The following PUF60 variants were observed in gnomAD, a reference collection of about 807,000 sequenced individuals.
PUF60 encodes the protein poly(U)-binding-splicing factor PUF60.
Under a neutral mutation model 61.8 loss-of-function variants are expected in PUF60, and 10 were observed. That is an observed-to-expected ratio of 0.16 (90% confidence interval 0.10 to 0.27). The LOEUF (loss-of-function observed/expected upper bound fraction) is 0.27, where lower values mean the gene tolerates loss of function less well. PUF60 is among the 10% of genes least tolerant of loss of function. The pLI, the probability that PUF60 is intolerant of heterozygous loss-of-function variation, is 1.00. For missense variants in PUF60, 371 were observed against 754.0 expected (o/e 0.49, Z 5.95); for synonymous variants, 353 against 300.9 (o/e 1.17, Z -1.79).
intron 2 of PUF60, among the ~76,000 whole-genome samples, chr8:143,824,022 C>T (rs945018252): frequency 2.6e-5 from 4 of 152,264 alleles, no homozygotes; most frequent in African/African-American, 7.2e-5. Context: ...CTCCAGGCCC[C>T]GGCGTCCCCG....
In PUF60 at chr8:143,818,871, A is replaced by G. The variant is rs965039691; in HGVS notation, c.349-337T>C. On this transcript the variant is annotated intron_variant, in intron 5 of 11. Transcript: ENST00000526683. The surrounding 1 kb of genome is among the most constrained non-coding windows in gnomAD (Gnocchi z 7.9). ...CTCCAGTCTGGGGGCTGGGTATCCCAGGCTGGGCTGGGAGATCCTCCCACT... is the reference window on the plus strand; with the variant it reads ...CTCCAGTCTGGGGGCTGGGTATCCCGGGCTGGGCTGGGAGATCCTCCCACT... The G allele has an allele frequency of 1.4e-5, 5 of 349,998 alleles. No homozygotes were observed. Among genetic ancestry groups the G allele is most frequent in the Non-Finnish European group, 2.6e-5 (5 of 191,254 alleles). The allele number at this position is 349,998 out of a possible 1,614,324, so 21.7% of individuals were successfully genotyped here.
chr8:143,828,970 C>G (rs1817979748), intron 1 of PUF60: 24 of 990,188 alleles, frequency 2.4e-5, no homozygotes, highest in Non-Finnish European at 2.9e-5. Context: ...GACGACGACC[C>G]CCGCTTGCCG....
In PUF60 at chr8:143,818,806, T is replaced by G; in HGVS notation, c.349-272A>C. On this transcript the variant is annotated intron_variant, in intron 5 of 11. Coordinates refer to ENST00000526683, the MANE Select transcript of PUF60 (RefSeq NM_078480.3). The surrounding 1 kb of genome is among the most constrained non-coding windows in gnomAD (Gnocchi z 7.9). ...CTGCGGCAGCAAAGCCGACAGATGG[T>G]CAGGAGGCAGGGCTGTGCGCCCTCC... 1 of 526,572 alleles carries G rather than the reference T, an allele frequency of 1.9e-6. No individual in the cohort carries two copies. Among genetic ancestry groups the G allele is most frequent in the South Asian group, 2.8e-5 (1 of 36,242 alleles). 32.6% of individuals were successfully genotyped at this position (526,572 alleles called of 1,614,324 possible). A position where few individuals can be genotyped will look rare whatever the true frequency, so the allele number is the denominator to read the frequency against.
chr8:143,821,963 C>T, intron 2 of PUF60, 50 bp from the exon 3 acceptor site: 1 of 1,446,412 alleles, frequency 6.9e-7, no homozygotes, highest in Middle Eastern at 1.8e-4. Flanking sequence ...AGTTCTCCTT[C>T]ACGTGGCCCC....
rs1157233861 is a variant in PUF60, at chr8:143,829,286, T to C, written c.18A>G (p.Ile6Met). The change falls in exon 1 of 12, where the codon ATA becomes ATG. Residue 6 changes from isoleucine (I) to methionine (M), a missense_variant. Coordinates refer to ENST00000526683, the MANE Select transcript of PUF60 (RefSeq NM_078480.3). ...CATGGGGGGGCTCACTTACGAGAGC[T>C]ATGGTCGCCGTCGCCATCTTGCGTC... is the stretch of plus-strand genomic sequence containing the variant. MATATIALQVNGQQGG... is the reference protein window; with the variant it reads MATATMALQVNGQQGG... 3.2e-6 allele frequency: 4 copies of C among 1,268,152 alleles called. No homozygotes were observed. Among genetic ancestry groups the C allele is most frequent in the Non-Finnish European group, 3.0e-6 (3 of 1,000,000 alleles). 78.6% of individuals were successfully genotyped at this position (1,268,152 alleles called of 1,614,324 possible).
Position 143,818,693 on chromosome 8 carries a change from G to T in PUF60, c.349-159C>A. The T allele has an allele frequency of 1.3e-6, 1 of 797,046 alleles. No homozygotes were observed. The highest frequency in any genetic ancestry group is 1.9e-6 in the Non-Finnish European group (1 of 520,328). 49.4% of individuals were successfully genotyped at this position (797,046 alleles called of 1,614,324 possible). A position where few individuals can be genotyped will look rare whatever the true frequency, so the allele number is the denominator to read the frequency against. ...CTCCATCCCTGCAGTCATAGTGTGG[G>T]GGTCGCAGGACCCCGCCACCCAAAG... On this transcript the variant is annotated intron_variant, in intron 5 of 11. Transcript: ENST00000526683. This position sits in a 1 kb window ranked among gnomAD's most constrained non-coding sequence, Gnocchi z 7.9.
intron 1 of PUF60, among the ~76,000 whole-genome samples, chr8:143,826,312 G>A (rs1336182463): frequency 2.6e-5 from 4 of 152,216 alleles, no homozygotes; most frequent in Non-Finnish European, 2.9e-5. Context: ...GGGGCTGGGC[G>A]TGGTGGCTCA....
chr8:143,823,743 C>T (rs1312593626), intron 2 of PUF60, among the ~76,000 whole-genome samples: 2 of 152,242 alleles, frequency 1.3e-5, no homozygotes, highest in African/African-American at 4.8e-5. Context: ...CCCAGCTCCA[C>T]CTCTGAGAGG....
chr8:143,824,259 C>CGCCCTCT (rs1817378078), intron 2 of PUF60, 54 bp downstream of exon 2: 5 of 1,488,716 alleles, frequency 3.4e-6, no homozygotes, highest in South Asian at 1.3e-5. Flanking sequence ...GGCAGGCGGG[C>CGCCCTCT]GGGCGGGCGG....
rs747629839 is a variant in PUF60, at chr8:143,818,288, A to G, written c.511-3T>C. ...TCATACTCCACGAAGGCAAAGCCCT[A>G]GACACAGGGACACACCTGTCAGGCT... On this transcript the variant is annotated splice_polypyrimidine_tract_variant and splice_region_variant and intron_variant, in intron 6 of 11. Coordinates refer to ENST00000526683, the MANE Select transcript of PUF60 (RefSeq NM_078480.3). This position sits in a 1 kb window ranked among gnomAD's most constrained non-coding sequence, Gnocchi z 7.9. 2 of 1,608,364 alleles carry G rather than the reference A, an allele frequency of 1.2e-6. No homozygotes were observed. The highest frequency in any genetic ancestry group is 2.2e-5 in the South Asian group (2 of 90,630).
At chr8:143,820,747 G>T in intron 4 of PUF60, 31 bp from the exon 5 acceptor site, 1 of 1,602,680 alleles carries the variant, frequency 6.2e-7, no homozygotes, top group Non-Finnish European at 8.5e-7. Context: ...AGTTCAGTCT[G>T]TTGGAGCCGA....
rs1466762286 is a variant in PUF60, at chr8:143,824,371, G to A, written c.53C>T (p.Ser18Phe). 6.2e-7 allele frequency: 1 copy of A among 1,612,442 alleles called. No homozygotes were observed. The highest frequency in any genetic ancestry group is 8.5e-7 in the Non-Finnish European group (1 of 1,179,780). Residue 18 changes from serine to phenylalanine, a missense_variant, in exon 2 of 12, where the codon TCC becomes TTC. This residue lies in a region of PUF60 where 69 missense variants were observed against 64.7 expected (regional missense o/e 1.07). Coordinates refer to ENST00000526683, the MANE Select transcript of PUF60 (RefSeq NM_078480.3). ...CACTGCCGCCGCCGCCGCCGGCTCG[G>A]ACCCCCCTCCTTGCTGGCCATTGAC... ...LQVNGQQGGG[S>F]EPAAAAAVVA...
intron 1 of PUF60, among the ~76,000 whole-genome samples, chr8:143,824,643 G>A (rs1240676924): frequency 1.3e-5 from 2 of 152,252 alleles, no homozygotes; most frequent in Non-Finnish European, 2.9e-5. Flanking sequence ...GTCCCAGCGG[G>A]GATGGGGAGG....
chr8:143,817,006 T>A lies in PUF60; in HGVS notation c.1284A>T (p.Ser428=). 2 of 1,608,288 alleles carry A rather than the reference T, an allele frequency of 1.2e-6. No individual in the cohort carries two copies. The highest frequency in any genetic ancestry group is 1.7e-6 in the Non-Finnish European group (2 of 1,177,572). ...GCTCGCTCAGCATCTCTGGCCGCTC[T>A]GACTCGGGAAACAGCTCCTCTTCTT... ...EKEEEELFPE[S]ERPEMLSEQE... The change falls in exon 11 of 12, where the codon TCA becomes TCT. Residue 428 remains serine (S), a synonymous_variant. Transcript: ENST00000526683. The surrounding 1 kb of genome is among the most constrained non-coding windows in gnomAD (Gnocchi z 7.4).
chr8:143,822,662 C>A, intron 2 of PUF60: 1 of 438,386 alleles, frequency 2.3e-6, no homozygotes. Flanking sequence ...CAGTCACAGC[C>A]ACTGCAGACC....
chr8:143,826,403 GA>G (rs762924922), intron 1 of PUF60, among the ~76,000 whole-genome samples: 50 of 152,054 alleles, frequency 3.3e-4, no homozygotes, highest in Middle Eastern at 3.4e-3. Flanking sequence ...CTGTCTCTAT[GA>G]AAAAAAAGAT....
At position 143,821,695 on chromosome 8, in the gene PUF60, G is replaced by T. The variant is rs1328035171; in HGVS notation, c.208-9C>A. ...ATGGCGTACTTCTTGGCCTGAGAGA[G>T]GCGGCAGTGAGGAGCACTGGGGGCC... On this transcript the variant is annotated splice_polypyrimidine_tract_variant and intron_variant, in intron 3 of 11. Transcript: ENST00000526683. 2.6e-6 allele frequency: 4 copies of T among 1,548,702 alleles called. No individual in the cohort carries two copies. Among genetic ancestry groups the T allele is most frequent in the Non-Finnish European group, 2.6e-6 (3 of 1,147,572 alleles).
Position 143,818,756 on chromosome 8 carries a change from C to T in PUF60, c.349-222G>A. The T allele has an allele frequency of 1.7e-6, 1 of 581,500 alleles. No homozygotes were observed. The highest frequency in any genetic ancestry group is 2.9e-5 in the East Asian group (1 of 34,816). 36.0% of individuals were successfully genotyped at this position (581,500 alleles called of 1,614,324 possible). A position where few individuals can be genotyped will look rare whatever the true frequency, so the allele number is the denominator to read the frequency against. ...GCCCAGCGGCAGGACAGGACGCACC[C>T]CAGCCCGCCAAGGTCCCAGGCAGAC... On this transcript the variant is annotated intron_variant, in intron 5 of 11. Coordinates refer to ENST00000526683, the MANE Select transcript of PUF60 (RefSeq NM_078480.3). The surrounding 1 kb of genome is among the most constrained non-coding windows in gnomAD (Gnocchi z 7.9).
rs767013428 is a variant in PUF60 at position 143,824,344 on chromosome 8, A to G, written c.80T>C (p.Val27Ala). ...AGGTTTCCATTTGTCTCCCGCTGCC[A>G]CCACTGCCGCCGCCGCCGCCGGCTC... Reference protein sequence around the residue: ...GSEPAAAAAVVAAGDKWKPPQ... With the variant: ...GSEPAAAAAVAAAGDKWKPPQ... Residue 27 changes from valine to alanine, a missense_variant, in exon 2 of 12, where the codon GTG becomes GCG. By Grantham distance (64) the Val-to-Ala change is moderately conservative (BLOSUM62 0). Transcript: ENST00000526683. 119 of 1,612,304 alleles carry G rather than the reference A, an allele frequency of 7.4e-5. No homozygotes were observed. Among genetic ancestry groups the G allele is most frequent in the Non-Finnish European group, 9.4e-5 (111 of 1,179,672 alleles).
Sources: allele counts gnomAD v4.1 joint callset (sites outside exome capture counted in the v4.1 genomes callset), GRCh38; gene constraint gnomAD v4.1.1; regional missense constraint gnomAD v4.1.1; non-coding constraint Gnocchi (gnomAD v3.1); transcripts MANE v1.5; gene names NCBI Gene and HGNC (gene_info 2026-07-23, HGNC 2026-07-21).